Variants in SLC27A3 observed in about 807,000 individuals in gnomAD.
SLC27A3 encodes solute carrier family 27 member 3.
A neutral mutation model predicts 60.1 loss-of-function variants in SLC27A3; 60 were observed. The ratio of observed to expected loss-of-function variants is 1.00; its 90% CI spans 0.81 to 1.24. SLC27A3 has a LOEUF of 1.24. Among genes scored for constraint, SLC27A3 ranks in the 50% most tolerant of loss-of-function variants. SLC27A3 has a pLI of 0.00. For synonymous variants in SLC27A3, 455 were observed against 409.0 expected (o/e 1.11, Z -1.36); for missense variants, 1,079 against 929.9 (o/e 1.16, Z -2.09).
rs1477379636 is a variant in SLC27A3 at position 153,778,074 on chromosome 1, G to C, written c.1162-87G>C. 2.6e-6 allele frequency: 4 copies of C among 1,512,056 alleles called. No homozygotes were observed. The East Asian group carries it at 9.1e-5, about 34-fold the overall frequency. 93.7% of individuals were successfully genotyped at this position (1,512,056 alleles called of 1,614,324 possible). A position where few individuals can be genotyped will look rare whatever the true frequency, so the allele number is the denominator to read the frequency against. ...CTCTGAAGGAGGTCACAGTAGGAGG[G>C]GGTTCTGGGGAATGGGGAACAGGAA... On this transcript the variant is annotated intron_variant, in intron 4 of 9. Transcript: ENST00000624995.
Position 153,778,513 on chromosome 1 carries a change from A to T in SLC27A3, c.1407A>T (p.Pro469=). The change falls in exon 6 of 10, where the codon CCA becomes CCT. Residue 469 remains proline (P), a synonymous_variant. Transcript: ENST00000624995. ...LIRYDVTTGE[P]IRDPQGHCMA... ...GCTATGATGTCACCACAGGAGAGCC[A>T]ATTCGGGACCCCCAGGGGCACTGTA... is the stretch of plus-strand genomic sequence containing the variant. 1 of 1,614,128 alleles carries T rather than the reference A, an allele frequency of 6.2e-7. No homozygotes were observed. The highest frequency in any genetic ancestry group is 1.1e-5 in the South Asian group (1 of 91,084).
chr1:153,776,103 C>T lies in SLC27A3; in HGVS notation c.606C>T (p.Arg202=), dbSNP rs991469708. ...LRTAFVPTAL[R]RGPLLHCLRS... Reference sequence around the variant, plus strand: ...CTGCCTTTGTGCCCACCGCCCTGCGCCGGGGCCCCCTGCTGCACTGCCTCC... The same window carrying T: ...CTGCCTTTGTGCCCACCGCCCTGCGTCGGGGCCCCCTGCTGCACTGCCTCC... Residue 202 remains arginine, a synonymous_variant, in exon 1 of 10, where the codon CGC becomes CGT. Transcript: ENST00000624995. The T allele has an allele frequency of 2.7e-6, 4 of 1,478,518 alleles. No homozygotes were observed. Among genetic ancestry groups the T allele is most frequent in the African/African-American group, 1.5e-5 (1 of 68,316 alleles). The allele number at this position is 1,478,518 out of a possible 1,614,324, so 91.6% of individuals were successfully genotyped here.
In SLC27A3 at chr1:153,778,784, T is replaced by A. The variant is rs778216359; in HGVS notation, c.1545T>A (p.Asp515Glu). The change falls in exon 7 of 10, where the codon GAT becomes GAA. Residue 515 changes from aspartate (D) to glutamate (E), a missense_variant. By Grantham distance (45) the Asp-to-Glu change is conservative. Coordinates refer to ENST00000624995, the MANE Select transcript of SLC27A3 (RefSeq NM_024330.4). ...PELAQGKLLK[D>E]VFRPGDVFFN... ...TGGCCCAGGGGAAGTTGCTAAAGGA[T>A]GTCTTCCGGCCTGGGGATGTTTTCT... 3 of 1,614,100 alleles carry A rather than the reference T, an allele frequency of 1.9e-6. No individual in the cohort carries two copies. The East Asian group carries it at 6.7e-5, about 36-fold the overall frequency.
In SLC27A3 at chr1:153,779,968, A is replaced by G. The variant is rs778126290; in HGVS notation, c.2018A>G (p.Tyr673Cys). The G allele has an allele frequency of 1.2e-6, 2 of 1,613,964 alleles. No individual in the cohort carries two copies. The highest frequency in any genetic ancestry group is 1.7e-6 in the Non-Finnish European group (2 of 1,179,928). Residue 673 changes from tyrosine (Y) to cysteine (C), a missense_variant, in exon 10 of 10, where the codon TAC (tyrosine) becomes TGC (cysteine). By Grantham distance (194) the Tyr-to-Cys change is radical. Coordinates refer to ENST00000624995, the MANE Select transcript of SLC27A3 (RefSeq NM_024330.4). ...GAYLPLTTAR[Y>C]SALLAGNLRI Reference sequence around the variant, plus strand: ...TACCTGCCCCTCACAACTGCCCGGTACAGCGCCCTCCTGGCAGGAAACCTT... The same window carrying G: ...TACCTGCCCCTCACAACTGCCCGGTGCAGCGCCCTCCTGGCAGGAAACCTT...
chr1:153,775,458 CG>C lies in SLC27A3; in HGVS notation c.-38del. ...AGGGAGGATCAGGGATGTTTGCGAG[CG>C]GCTGGAACCAGACGGTGCCGATAGA... On this transcript the variant is annotated 5_prime_UTR_variant, in exon 1 of 10. An upstream open reading frame in the 5' UTR gains an earlier in-frame stop. Transcript: ENST00000624995. 6.2e-7 allele frequency: 1 copy of C among 1,612,736 alleles called. No homozygotes were observed. Among genetic ancestry groups the C allele is most frequent in the African/African-American group, 1.3e-5 (1 of 75,068 alleles).
Position 153,777,057 on chromosome 1 carries a change from C to T in SLC27A3, c.878-5C>T. On this transcript the variant is annotated splice_polypyrimidine_tract_variant and splice_region_variant and intron_variant, in intron 2 of 9. Coordinates refer to ENST00000624995, the MANE Select transcript of SLC27A3 (RefSeq NM_024330.4). ...CCTGATCGTCCCATAACTGCCACCC[C>T]ACAGGCCTCCCCAAGGCTGCTCGGA... The T allele has an allele frequency of 1.2e-6, 2 of 1,614,068 alleles. No homozygotes were observed. Among genetic ancestry groups the T allele is most frequent in the Non-Finnish European group, 1.7e-6 (2 of 1,179,932 alleles).
chr1:153,777,221 G>C lies in SLC27A3; in HGVS notation c.1036+1G>C. On this transcript the variant is annotated splice_donor_variant, in intron 3 of 9. Coordinates refer to ENST00000624995, the MANE Select transcript of SLC27A3 (RefSeq NM_024330.4). LOFTEE classifies it high-confidence loss of function. ...GGCATCGTGGGCTGCATGGGCATTG[G>C]TCAGTCTCCCCAACCCCACCTTCAT... 1 of 1,614,192 alleles carries C rather than the reference G, an allele frequency of 6.2e-7. No homozygotes were observed. Among genetic ancestry groups the C allele is most frequent in the Non-Finnish European group, 8.5e-7 (1 of 1,180,016 alleles).
Position 153,778,712 on chromosome 1 carries a change from G to A in SLC27A3, c.1473G>A (p.Pro491=), listed in dbSNP as rs558905533. The change falls in exon 7 of 10, where the codon CCG becomes CCA. Residue 491 remains proline, a synonymous_variant. Coordinates refer to ENST00000624995, the MANE Select transcript of SLC27A3 (RefSeq NM_024330.4). ...SPGEPGLLVA[P]VSQQSPFLGY... ...GTGAGCCAGGGCTGCTGGTGGCCCC[G>A]GTAAGCCAGCAGTCCCCATTCCTGG... 1.0e-4 allele frequency: 163 copies of A among 1,613,118 alleles called. No homozygotes were observed. The highest frequency in any genetic ancestry group is 2.2e-4 in the South Asian group (20 of 91,088).
At position 153,779,856 on chromosome 1, in the gene SLC27A3, C is replaced by G. The variant is rs559054034; in HGVS notation, c.1906C>G (p.Gln636Glu). 2.5e-6 allele frequency: 4 copies of G among 1,614,126 alleles called. No homozygotes were observed. Among genetic ancestry groups the G allele is most frequent in the Non-Finnish European group, 3.4e-6 (4 of 1,180,016 alleles). Reference protein sequence around the residue: ...ESLATTETFKQQKVRMANEGF... With the variant: ...ESLATTETFKEQKVRMANEGF... ...TTTGGCCACCACAGAGACCTTCAAA[C>G]AGCAGAAAGTTCGGATGGCAAATGA... Residue 636 changes from glutamine (Q) to glutamate (E), a missense_variant, in exon 10 of 10, where the codon CAG (glutamine) becomes GAG (glutamate). Coordinates refer to ENST00000624995, the MANE Select transcript of SLC27A3 (RefSeq NM_024330.4).
chr1:153,775,949 G>A lies in SLC27A3; in HGVS notation c.452G>A (p.Gly151Glu), dbSNP rs749019368. The change falls in exon 1 of 10, where the codon GGG becomes GAG. Residue 151 changes from glycine to glutamate, a missense_variant. By Grantham distance (98) the Gly-to-Glu change is moderately conservative. Transcript: ENST00000624995. ...AAGSGAEFAG[G>E]DGAARGGGAA... ...GGAAGCGGCGCGGAGTTTGCCGGAG[G>A]GGACGGTGCCGCCAGAGGTGGAGGA... 6 of 1,447,468 alleles carry A rather than the reference G, an allele frequency of 4.1e-6. No homozygotes were observed. Among genetic ancestry groups the A allele is most frequent in the Non-Finnish European group, 5.4e-6 (6 of 1,107,288 alleles). 89.7% of individuals were successfully genotyped at this position (1,447,468 alleles called of 1,614,324 possible). A position where few individuals can be genotyped will look rare whatever the true frequency, so the allele number is the denominator to read the frequency against.
At position 153,779,213 on chromosome 1, in the gene SLC27A3, T is replaced by C. The variant is rs751863190; in HGVS notation, c.1744+2T>C. On this transcript the variant is annotated splice_donor_variant, in intron 8 of 9. Transcript: ENST00000624995. LOFTEE classifies it high-confidence loss of function. ...ACGTCTATGGAGTCACTGTGCCAGGTGCCTAGGCATGGAAGGTGGGGGAGG... is the reference window on the plus strand; with the variant it reads ...ACGTCTATGGAGTCACTGTGCCAGGCGCCTAGGCATGGAAGGTGGGGGAGG... The C allele has an allele frequency of 2.5e-6, 4 of 1,614,008 alleles. No individual in the cohort carries two copies. In the East Asian group the frequency reaches 6.7e-5, roughly 27 times the overall value.
At position 153,780,086 on chromosome 1, in the gene SLC27A3, T is replaced by G; in HGVS notation, c.*84T>G. 1 of 1,255,208 alleles carries G rather than the reference T, an allele frequency of 8.0e-7. No individual in the cohort carries two copies. Among genetic ancestry groups the G allele is most frequent in the Non-Finnish European group, 1.1e-6 (1 of 903,334 alleles). The allele number at this position is 1,255,208 out of a possible 1,614,324, so 77.8% of individuals were successfully genotyped here. ...GTGTACTGGGCTGTCAGGGATCTTT[T>G]CTATACCAGAACTGCGGTCACTATT... On this transcript the variant is annotated 3_prime_UTR_variant, in exon 10 of 10. Transcript: ENST00000624995.
Position 153,778,177 on chromosome 1 carries a change from G to GC in SLC27A3, c.1180dup (p.His394ProfsTer2), listed in dbSNP as rs144727289. On this transcript the variant is annotated frameshift_variant, in exon 5 of 10. Coordinates refer to ENST00000624995, the MANE Select transcript of SLC27A3 (RefSeq NM_024330.4). LOFTEE classifies it high-confidence loss of function. The stretch of plus-strand genomic sequence containing the variant: ...TCATCTCAGAGCAAGGCAGAACGTG[G>GC]CCATAAGGTCCGGCTGGCAGTGGGC... The GC allele has an allele frequency of 2.5e-5, 40 of 1,610,122 alleles. No homozygotes were observed. The East Asian group carries it at 8.7e-4, about 35-fold the overall frequency.
rs759989805 is a variant in SLC27A3, at chr1:153,778,333, G to T, written c.1334G>T (p.Gly445Val). Residue 445 changes from glycine (G) to valine (V), a missense_variant, in exon 5 of 10, where the codon GGG becomes GTG. Transcript: ENST00000624995. ...INYTGQRGAV[G>V]RASWLYKHIF... ...TACACAGGACAGCGGGGCGCTGTGG[G>T]GCGTGCTTCCTGGCTTTACAAGGTG... 56 of 1,613,972 alleles carry T rather than the reference G, an allele frequency of 3.5e-5. No individual in the cohort carries two copies. Among genetic ancestry groups the T allele is most frequent in the Non-Finnish European group, 4.2e-5 (49 of 1,179,984 alleles).
At chr1:153,776,777 G>T (rs763333168) in intron 2 of SLC27A3, 50 bp downstream of exon 2, 1 of 1,572,554 alleles carries the variant, frequency 6.4e-7, no homozygotes, top group Non-Finnish European at 8.7e-7. Flanking sequence ...GCAGAGGAAG[G>T]CAGGGGTCTG....
chr1:153,778,552 A>G lies in SLC27A3; in HGVS notation c.1446A>G (p.Pro482=), dbSNP rs1468597107. The change falls in exon 6 of 10, where the codon CCA becomes CCG. Residue 482 remains proline, a splice_region_variant and synonymous_variant. Transcript: ENST00000624995. The stretch of plus-strand genomic sequence containing the variant: ...AGGGGCACTGTATGGCCACATCTCC[A>G]GGTTGGTGGTGTTCTGGTGGGGTGG... ...DPQGHCMATS[P]GEPGLLVAPV... is the part of the protein sequence containing the mutation. 1.2e-6 allele frequency: 2 copies of G among 1,613,920 alleles called. No individual in the cohort carries two copies. Among genetic ancestry groups the G allele is most frequent in the Non-Finnish European group, 8.5e-7 (1 of 1,179,848 alleles).
rs902629988 is a variant in SLC27A3 at position 153,780,156 on chromosome 1, C to T, written c.*154C>T. 1 of 669,490 alleles carries T rather than the reference C, an allele frequency of 1.5e-6. No homozygotes were observed. The highest frequency in any genetic ancestry group is 2.5e-6 in the Non-Finnish European group (1 of 402,702). 41.5% of individuals were successfully genotyped at this position (669,490 alleles called of 1,614,324 possible). A position where few individuals can be genotyped will look rare whatever the true frequency, so the allele number is the denominator to read the frequency against. On this transcript the variant is annotated 3_prime_UTR_variant, in exon 10 of 10. Transcript: ENST00000624995. ...AGCTGATCCAGCTGTCTCTGACCTA[C>T]AGTATCTGTCATTATCTCTCTGTGG...
chr1:153,777,350 C>T lies in SLC27A3; in HGVS notation c.1036+130C>T, dbSNP rs1000117329. 8.5e-6 allele frequency: 10 copies of T among 1,171,640 alleles called. No homozygotes were observed. The African/African-American group carries it at 1.4e-4, about 16-fold the overall frequency. The allele number at this position is 1,171,640 out of a possible 1,614,324, so 72.6% of individuals were successfully genotyped here. A position where few individuals can be genotyped will look rare whatever the true frequency, so the allele number is the denominator to read the frequency against. On this transcript the variant is annotated intron_variant, in intron 3 of 9. Transcript: ENST00000624995. ...GGCAGAGCCCTACTCACCAGGAGCT[C>T]TGTACAATAGGGCAATGTCACCTGC...
In SLC27A3 at chr1:153,775,875, C is replaced by A. The variant is rs749111000; in HGVS notation, c.378C>A (p.Ser126Arg). Residue 126 changes from serine (S) to arginine (R), a missense_variant, in exon 1 of 10, where the codon AGC (serine) becomes AGA (arginine). Transcript: ENST00000624995. The part of the protein sequence containing the change: ...GPDGGDSGEG[S>R]AGEGERAAPG... ...ACGGCGGCGACAGCGGCGAGGGGAGCGCTGGAGAAGGCGAGCGGGCAGCGC... is the reference window on the plus strand; with the variant it reads ...ACGGCGGCGACAGCGGCGAGGGGAGAGCTGGAGAAGGCGAGCGGGCAGCGC... The A allele has an allele frequency of 2.0e-6, 3 of 1,490,250 alleles. No individual in the cohort carries two copies. In the Admixed American group the frequency reaches 7.3e-5, roughly 37 times the overall value. The allele number at this position is 1,490,250 out of a possible 1,614,324, so 92.3% of individuals were successfully genotyped here.
Sources: gnomAD v4.1 joint callset for allele counts on GRCh38, gnomAD v4.1.1 for gene constraint, MANE v1.5 for transcripts, NCBI Gene and HGNC (gene_info 2026-07-23, HGNC 2026-07-21) for gene names.